The following TTC28 variants were observed in gnomAD, a reference collection of about 807,000 sequenced individuals.
TTC28 encodes tetratricopeptide repeat protein 28.
In TTC28, 61 loss-of-function variants were observed where a neutral mutation model predicts 198.0. That is an observed-to-expected ratio of 0.31 (90% CI 0.25 to 0.38). The LOEUF is 0.38. Ranked by LOEUF, TTC28 falls within the 10% of genes least tolerant of loss-of-function variation. The pLI, the probability that TTC28 is intolerant of heterozygous loss-of-function variation, is 1.00. For synonymous variants in TTC28, 1,171 were observed against 1,297.8 expected, an observed-to-expected ratio of 0.90 and a Z score of 2.10; for missense variants, 2,678 against 3,164.0, an observed-to-expected ratio of 0.85 and a Z score of 3.69.
chr22:28,104,439 T>C (rs1416918517), intron 8 of TTC28, among the ~76,000 whole-genome samples: 1 of 151,808 alleles, frequency 6.6e-6, no homozygotes, highest in African/African-American at 2.4e-5. Flanking sequence ...GAAATGAGAG[T>C]TTTTGCTTGA....
intron 5 of TTC28, among the ~76,000 whole-genome samples, chr22:28,182,563 A>G (rs907494579): frequency 6.6e-6 from 1 of 152,074 alleles, no homozygotes; most frequent in Non-Finnish European, 1.5e-5. Context: ...AGGATCCTGG[A>G]GATATTTTAG....
Position 27,982,359 on chromosome 22 carries a change from G to C in TTC28, c.7308C>G (p.Thr2436=), listed in dbSNP as rs766284253. 6.5e-7 allele frequency: 1 copy of C among 1,549,628 alleles called. No homozygotes were observed. Among genetic ancestry groups the C allele is most frequent in the Non-Finnish European group, 8.7e-7 (1 of 1,145,846 alleles). ...PKAPPNGHWR[T]ETTSLGSLPL... ...GCAGTGAGCCCAGCGAGGTGGTCTCGGTGCGCCAGTGTCCGTTGGGAGGGG... is the reference window on the plus strand; with the variant it reads ...GCAGTGAGCCCAGCGAGGTGGTCTCCGTGCGCCAGTGTCCGTTGGGAGGGG... The change falls in exon 23 of 23, where the codon ACC becomes ACG. Residue 2436 remains threonine (T), a synonymous_variant. Coordinates refer to ENST00000397906, the MANE Select transcript of TTC28 (RefSeq NM_001145418.2). This position sits in a 1 kb window ranked among gnomAD's most constrained non-coding sequence, Gnocchi z 5.2.
At chr22:28,611,102 G>A (rs1232760351) in intron 2 of TTC28, among the ~76,000 whole-genome samples, 1 of 152,176 alleles carries the variant, frequency 6.6e-6, no homozygotes, top group African/African-American at 2.4e-5. Flanking sequence ...TTTGATTGTT[G>A]TACCTGAAAG....
At chr22:28,166,627 G>A (rs1921993164) in intron 5 of TTC28, among the ~76,000 whole-genome samples, 1 of 152,154 alleles carries the variant, frequency 6.6e-6, no homozygotes, top group African/African-American at 2.4e-5. Flanking sequence ...AAGCCAATGA[G>A]AACAAAGACA....
At chr22:28,432,858 T>C (rs1387156789) in intron 2 of TTC28, among the ~76,000 whole-genome samples, 1 of 152,210 alleles carries the variant, frequency 6.6e-6, no homozygotes, top group Admixed American at 6.5e-5. Flanking sequence ...TATGTGAAGT[T>C]TGTGGTCAAC....
chr22:28,476,634 G>A (rs2048171704), intron 2 of TTC28, among the ~76,000 whole-genome samples: 1 of 152,038 alleles, frequency 6.6e-6, no homozygotes, highest in African/African-American at 2.4e-5. Context: ...AAATCTACTA[G>A]GTGGATATAG....
intron 6 of TTC28, among the ~76,000 whole-genome samples, chr22:28,130,636 G>A (rs1313032743): frequency 6.6e-6 from 1 of 151,808 alleles, no homozygotes; most frequent in Non-Finnish European, 1.5e-5. Context: ...AAGATAGCTG[G>A]CTATTTAAGG....
intron 2 of TTC28, among the ~76,000 whole-genome samples, chr22:28,580,985 A>T (rs975906706): frequency 8.5e-5 from 13 of 152,136 alleles, no homozygotes; most frequent in Non-Finnish European, 4.4e-5. Context: ...AAATATATTT[A>T]TAAAAAATAA....
intron 2 of TTC28, among the ~76,000 whole-genome samples, chr22:28,379,756 T>C (rs1405099364): frequency 6.6e-6 from 1 of 152,138 alleles, no homozygotes; most frequent in Non-Finnish European, 1.5e-5. Context: ...ATGGTTACAA[T>C]GGTAAATTTT....
At chr22:28,147,725 T>C (rs575025788) in intron 6 of TTC28, among the ~76,000 whole-genome samples, 3 of 152,338 alleles carry the variant, frequency 2.0e-5, no homozygotes, top group East Asian at 1.9e-4. Flanking sequence ...AATTAAACAA[T>C]GAATCGCTGC....
intron 12 of TTC28, among the ~76,000 whole-genome samples, chr22:28,091,204 C>T (rs16985967): frequency 0.069 from 10,489 of 152,284 alleles, 405 homozygotes; most frequent in South Asian, 0.089. Flanking sequence ...ACTCAACCTC[C>T]AGTATCATAG....
chr22:28,269,403 C>T (rs1931902673), intron 5 of TTC28, among the ~76,000 whole-genome samples: 1 of 152,040 alleles, frequency 6.6e-6, no homozygotes, highest in African/African-American at 2.4e-5. Context: ...ACACTCTTCC[C>T]AATTTTGTTC....
chr22:28,107,138 A>G lies in TTC28; in HGVS notation c.2707T>C (p.Tyr903His), dbSNP rs190961076. 3.3e-5 allele frequency: 51 copies of G among 1,551,642 alleles called. No individual in the cohort carries two copies. In the African/African-American group the frequency reaches 3.6e-4, roughly 11 times the overall value. ...YEEAIKYYEQ[Y>H]LSVAQSLNRM... The stretch of plus-strand genomic sequence containing the variant: ...TTCAGACTCTGCGCGACAGATAAAT[A>G]TTGTTCATAGTATTTGATAGCTTCC... Residue 903 changes from tyrosine (Y) to histidine (H), a missense_variant, in exon 7 of 23, where the codon TAT becomes CAT. By Grantham distance (83) the Tyr-to-His change is moderately conservative. Around this residue, in one of 8 missense-constraint regions of TTC28, gnomAD observed 775 missense variants for 845.9 expected, o/e 0.92. Coordinates refer to ENST00000397906, the MANE Select transcript of TTC28 (RefSeq NM_001145418.2).
intron 2 of TTC28, among the ~76,000 whole-genome samples, chr22:28,452,680 CA>C (rs2047800975): frequency 6.6e-6 from 1 of 152,020 alleles, no homozygotes; most frequent in African/African-American, 2.4e-5. Flanking sequence ...GGGAATGGGA[CA>C]GGGGCGGTTA....
At chr22:28,042,388 T>G (rs1004500504) in intron 12 of TTC28, among the ~76,000 whole-genome samples, 5 of 152,138 alleles carry the variant, frequency 3.3e-5, no homozygotes, top group Non-Finnish European at 7.3e-5. Context: ...CACCATGGAA[T>G]ACTATGCAGA....
chr22:28,323,127 T>G (rs2045472818), intron 2 of TTC28, among the ~76,000 whole-genome samples: 1 of 152,178 alleles, frequency 6.6e-6, no homozygotes, highest in African/African-American at 2.4e-5. Flanking sequence ...TTATTCAGCC[T>G]ACCACGCTGG....
At chr22:28,576,350 G>C (rs2050149958) in intron 2 of TTC28, among the ~76,000 whole-genome samples, 1 of 152,006 alleles carries the variant, frequency 6.6e-6, no homozygotes, top group Non-Finnish European at 1.5e-5. Context: ...TCATCATAAT[G>C]ATCTTTTTAA....
chr22:28,276,885 A>T (rs1163249468), intron 5 of TTC28, among the ~76,000 whole-genome samples: 1 of 152,200 alleles, frequency 6.6e-6, no homozygotes, highest in Non-Finnish European at 1.5e-5. Flanking sequence ...ATTTATGAAT[A>T]CTTATTAAAA....
At chr22:28,144,659 T>C (rs1943421331) in intron 6 of TTC28, among the ~76,000 whole-genome samples, 1 of 152,238 alleles carries the variant, frequency 6.6e-6, no homozygotes, top group Non-Finnish European at 1.5e-5. Context: ...GGGCTTGCTA[T>C]GTGCTAAGCA....
Sources: gnomAD v4.1 joint callset for allele counts (sites outside exome capture counted in the v4.1 genomes callset) on GRCh38, gnomAD v4.1.1 for gene constraint, gnomAD v4.1.1 regional missense constraint, Gnocchi (gnomAD v3.1) non-coding constraint, MANE v1.5 for transcripts, NCBI Gene and HGNC (gene_info 2026-07-23, HGNC 2026-07-21) for gene names.